DHX36: variants seen among roughly 807,000 people sequenced by gnomAD.
The protein encoded by DHX36 is DEAH-box helicase 36.
In DHX36, 50 loss-of-function variants were observed where a neutral mutation model predicts 139.0. The observed-to-expected ratio is 0.36, with a 90% CI of 0.29 to 0.46. The LOEUF (loss-of-function observed/expected upper bound fraction) is 0.46. DHX36 is among the 20% of genes least tolerant of loss of function. The pLI, the probability that DHX36 is intolerant of heterozygous loss-of-function variation, is 1.00. For missense variants in DHX36, 1,024 were observed against 1,211.3 expected (o/e 0.85, Z 2.29); for synonymous variants, 425 against 401.9 (o/e 1.06, Z -0.69).
chr3:154,282,550 T>C (rs1719365805), intron 20 of DHX36, among the ~76,000 whole-genome samples: 1 of 152,142 alleles, frequency 6.6e-6, no homozygotes, highest in Non-Finnish European at 1.5e-5. Flanking sequence ...TTTCTTTTCC[T>C]TTCCTTCCGA....
intron 17 of DHX36, among the ~76,000 whole-genome samples, chr3:154,285,578 T>C (rs779433635): frequency 4.6e-5 from 7 of 152,022 alleles, no homozygotes; most frequent in Non-Finnish European, 1.0e-4. Flanking sequence ...AGTGCAGAGG[T>C]TGGGGCCTCT....
At chr3:154,301,616 T>C (rs1252652477) in intron 9 of DHX36, among the ~76,000 whole-genome samples, 1 of 152,148 alleles carries the variant, frequency 6.6e-6, no homozygotes, top group Non-Finnish European at 1.5e-5. Flanking sequence ...TATCCAGATC[T>C]ACAGACCCAC....
chr3:154,299,022 A>C (rs1712155219), intron 12 of DHX36, among the ~76,000 whole-genome samples: 1 of 152,218 alleles, frequency 6.6e-6, no homozygotes, highest in South Asian at 2.1e-4. Context: ...CTGTAATCCC[A>C]GCACTTTGGA....
intron 17 of DHX36, among the ~76,000 whole-genome samples, chr3:154,288,032 C>T (rs1458300777): frequency 6.6e-6 from 1 of 150,598 alleles, no homozygotes; most frequent in African/African-American, 2.4e-5. Flanking sequence ...AACTGTTGGG[C>T]GTTATCTACC....
intron 8 of DHX36, 123 bp from the exon 9 acceptor site, chr3:154,303,533 T>C: frequency 6.0e-6 from 4 of 663,504 alleles, no homozygotes; most frequent in Non-Finnish European, 9.7e-6. Context: ...CCTGTAGCTT[T>C]TACAATTCTA....
intron 1 of DHX36, among the ~76,000 whole-genome samples, chr3:154,323,603 C>T (rs1713279957): frequency 6.6e-6 from 1 of 152,078 alleles, no homozygotes; most frequent in Admixed American, 6.5e-5. Flanking sequence ...TTTTCCTTTT[C>T]AAAGAGAATC....
At position 154,324,342 on chromosome 3, in the gene DHX36, C is replaced by T. The variant is rs201413099; in HGVS notation, c.75G>A (p.Gly25=). 6.8e-4 allele frequency: 1,096 copies of T among 1,606,674 alleles called. 10 individuals carry two copies. The highest frequency in any genetic ancestry group is 3.5e-3 in the Middle Eastern group (21 of 5,976). The change falls in exon 1 of 25, where the codon GGG becomes GGA. Residue 25 remains glycine (G), a synonymous_variant. Coordinates refer to ENST00000496811, the MANE Select transcript of DHX36 (RefSeq NM_020865.3). ...PRSSGGGYGG[G]PAGGHGGNRG... is the part of the protein sequence containing the mutation. ...GGTTACCTCCATGACCCCCTGCTGGCCCCCCTCCATAGCCCCCACCGGAGC... is the reference window on the plus strand; with the variant it reads ...GGTTACCTCCATGACCCCCTGCTGGTCCCCCTCCATAGCCCCCACCGGAGC...
chr3:154,319,432 A>C (rs1265250424), intron 1 of DHX36: 2 of 152,120 alleles, frequency 1.3e-5, no homozygotes, highest in African/African-American at 4.8e-5. Flanking sequence ...ATTCACACGC[A>C]GTTTTTCACA....
intron 14 of DHX36, among the ~76,000 whole-genome samples, chr3:154,292,897 G>A (rs924064302): frequency 6.6e-5 from 10 of 151,746 alleles, no homozygotes; most frequent in Admixed American, 2.0e-4. Flanking sequence ...TATAGGGATC[G>A]AGTACCTAAC....
In DHX36 at chr3:154,276,597, A is replaced by G. The variant is rs949675139; in HGVS notation, c.2841+150T>C. The G allele has an allele frequency of 3.2e-6, 3 of 943,708 alleles. No individual in the cohort carries two copies. The South Asian group carries it at 5.0e-5, about 16-fold the overall frequency. 58.5% of individuals were successfully genotyped at this position (943,708 alleles called of 1,614,324 possible). ...TGGTCTGTTACCACCTCAAAACACA[A>G]TTCAGAAAAACCAGGAATCATTTTT... On this transcript the variant is annotated intron_variant, in intron 24 of 24. Coordinates refer to ENST00000496811, the MANE Select transcript of DHX36 (RefSeq NM_020865.3).
chr3:154,301,333 T>C (rs1270180086), intron 9 of DHX36, among the ~76,000 whole-genome samples: 5 of 152,204 alleles, frequency 3.3e-5, no homozygotes, highest in Admixed American at 2.6e-4. Flanking sequence ...TCTTCTTTAT[T>C]GAAGTATATA....
intron 1 of DHX36, among the ~76,000 whole-genome samples, chr3:154,316,632 CAGA>C (rs1186570158): frequency 6.6e-6 from 1 of 151,998 alleles, no homozygotes; most frequent in African/African-American, 2.4e-5. Context: ...AGGCTGAGCT[CAGA>C]AGGAGTAAAT....
chr3:154,295,194 T>C, intron 13 of DHX36, 90 bp downstream of exon 13: 1 of 761,974 alleles, frequency 1.3e-6, no homozygotes, highest in Non-Finnish European at 2.1e-6. Flanking sequence ...AAATACTCCT[T>C]AAAAAAAATA....
At position 154,277,718 on chromosome 3, in the gene DHX36, C is replaced by T; in HGVS notation, c.2568G>A (p.Met856Ile). The change falls in exon 23 of 25, where the codon ATG (methionine) becomes ATA (isoleucine). Residue 856 changes from methionine to isoleucine, a missense_variant and splice_region_variant. By Grantham distance (10) the Met-to-Ile change is conservative. Coordinates refer to ENST00000496811, the MANE Select transcript of DHX36 (RefSeq NM_020865.3). ...CATCGGTTTTTGTGTAAACTTTTAC[C>T]CTTTAAAAAAAGTTAAAATGCAGTT... ...IRLNLGKKRK[M>I]VKVYTKTDGL... is the part of the protein sequence containing the mutation. The T allele has an allele frequency of 6.3e-7, 1 of 1,592,936 alleles. No individual in the cohort carries two copies.
intron 2 of DHX36, 126 bp from the exon 3 acceptor site, chr3:154,315,406 T>C: frequency 1.6e-6 from 1 of 615,622 alleles, no homozygotes. Flanking sequence ...TTTTCTTTTC[T>C]CTTAGTACAG....
intron 8 of DHX36, among the ~76,000 whole-genome samples, chr3:154,304,285 T>C (rs2108354640): frequency 6.6e-6 from 1 of 152,342 alleles, no homozygotes; most frequent in Middle Eastern, 3.4e-3. Flanking sequence ...CTTTTGCAGC[T>C]GGTCCAATCT....
chr3:154,282,210 A>G (rs1004078927), intron 20 of DHX36, among the ~76,000 whole-genome samples: 9 of 152,180 alleles, frequency 5.9e-5, no homozygotes, highest in African/African-American at 2.2e-4. Context: ...ACTAATGTCT[A>G]CTGTTCTCAT....
At chr3:154,280,465 T>C (rs1457694936) in intron 22 of DHX36, 114 bp downstream of exon 22, 1 of 740,010 alleles carries the variant, frequency 1.4e-6, no homozygotes, top group Non-Finnish European at 2.2e-6. Flanking sequence ...AGAACAAGAA[T>C]ATAACCCACA....
intron 20 of DHX36, among the ~76,000 whole-genome samples, chr3:154,282,623 A>AT (rs1187832929): frequency 6.8e-6 from 1 of 147,400 alleles, no homozygotes; most frequent in Non-Finnish European, 1.5e-5. Context: ...GGTATGTTAG[A>AT]TTTTTTTGTT....
Sources: gnomAD v4.1 joint callset for allele counts (sites outside exome capture counted in the v4.1 genomes callset) on GRCh38, gnomAD v4.1.1 for gene constraint, MANE v1.5 for transcripts, NCBI Gene and HGNC (gene_info 2026-07-23, HGNC 2026-07-21) for gene names.